The following NRCAM variants were observed in gnomAD, a reference collection of about 807,000 sequenced individuals.
NRCAM encodes the protein NgCAM-related cell adhesion molecule.
Under a neutral mutation model 156.5 loss-of-function variants are expected in NRCAM, and 83 were observed. The observed-to-expected ratio is 0.53, with a 90% CI of 0.44 to 0.64. The LOEUF (loss-of-function observed/expected upper bound fraction) is 0.64. Ranked by LOEUF, NRCAM falls within the 30% of genes least tolerant of loss-of-function variation. NRCAM has a pLI of 0.00. For missense variants in NRCAM, 1,417 were observed against 1,597.3 expected (o/e 0.89, Z 1.92); for synonymous variants, 538 against 563.9 (o/e 0.95, Z 0.65).
chr7:108,439,625 C>G (rs1477137941), intron 1 of NRCAM, among the ~76,000 whole-genome samples: 1 of 151,976 alleles, frequency 6.6e-6, no homozygotes, highest in Non-Finnish European at 1.5e-5. Context: ...GAGGCTGAGG[C>G]AGGTGGATCA....
chr7:108,309,266 A>T (rs1420489156), intron 3 of NRCAM, among the ~76,000 whole-genome samples: 13 of 152,218 alleles, frequency 8.5e-5, no homozygotes, highest in Admixed American at 6.5e-4. Context: ...GTTAATTTGT[A>T]TAAGAAAAGA....
chr7:108,160,608 G>A, intron 30 of NRCAM, 116 bp from the exon 31 acceptor site: 1 of 734,070 alleles, frequency 1.4e-6, no homozygotes, highest in Non-Finnish European at 2.1e-6. Flanking sequence ...TTTTACATGT[G>A]GCCCCAAATT....
chr7:108,447,134 A>C (rs888218001), intron 1 of NRCAM, among the ~76,000 whole-genome samples: 1 of 151,794 alleles, frequency 6.6e-6, no homozygotes, highest in Non-Finnish European at 1.5e-5. Flanking sequence ...TTTCTGAAAA[A>C]TTTTTCATGA....
chr7:108,342,049 G>A (rs13243381), intron 2 of NRCAM, among the ~76,000 whole-genome samples: 32,310 of 152,100 alleles, frequency 0.21, 3,917 homozygotes, highest in East Asian at 0.45. Context: ...CGAACCCAAC[G>A]TCTCAACTCA....
chr7:108,239,876 T>G, intron 4 of NRCAM, 83 bp downstream of exon 4: 1 of 813,988 alleles, frequency 1.2e-6, no homozygotes, highest in Non-Finnish European at 2.0e-6. Flanking sequence ...AGACACCTTC[T>G]CCATTCACGC....
At chr7:108,252,764 A>G (rs1351044319) in intron 3 of NRCAM, among the ~76,000 whole-genome samples, 1 of 152,266 alleles carries the variant, frequency 6.6e-6, no homozygotes, top group Non-Finnish European at 1.5e-5. Flanking sequence ...AAGATGCAGG[A>G]AAAACGGTCA....
intron 1 of NRCAM, among the ~76,000 whole-genome samples, chr7:108,410,304 T>C (rs1209411428): frequency 6.6e-6 from 1 of 152,360 alleles, no homozygotes; most frequent in Non-Finnish European, 1.5e-5. Flanking sequence ...TGTCTTGTTA[T>C]AGTGGTTGCA....
At chr7:108,418,770 A>T (rs1163963785) in intron 1 of NRCAM, among the ~76,000 whole-genome samples, 9 of 152,228 alleles carry the variant, frequency 5.9e-5, no homozygotes, top group Admixed American at 5.2e-4. Flanking sequence ...ACATTTTAAT[A>T]CAACTGTGTG....
chr7:108,279,085 G>C (rs67940074), intron 3 of NRCAM, among the ~76,000 whole-genome samples: 8,614 of 152,216 alleles, frequency 0.057, 317 homozygotes, highest in South Asian at 0.12. Flanking sequence ...ATTATACCAG[G>C]TGACGAGAAA....
intron 2 of NRCAM, among the ~76,000 whole-genome samples, chr7:108,337,131 C>A (rs1417517258): frequency 6.6e-6 from 1 of 151,712 alleles, no homozygotes; most frequent in Non-Finnish European, 1.5e-5. Flanking sequence ...GGGCTGGGGA[C>A]CCACACCTGT....
intron 32 of NRCAM, chr7:108,156,334 A>G: frequency 1.6e-5 from 16 of 984,756 alleles, no homozygotes; most frequent in Non-Finnish European, 1.9e-5. Context: ...TTTATGACCT[A>G]GGTTTATTCT....
intron 2 of NRCAM, 110 bp from the exon 3 acceptor site, chr7:108,312,841 A>G (rs1431409875): frequency 2.6e-5 from 4 of 152,138 alleles, no homozygotes; most frequent in Non-Finnish European, 5.9e-5. Flanking sequence ...AACACAATTA[A>G]AGAGAGAGCC....
At chr7:108,357,820 C>A (rs542507147) in intron 2 of NRCAM, among the ~76,000 whole-genome samples, 1 of 152,296 alleles carries the variant, frequency 6.6e-6, no homozygotes, top group Non-Finnish European at 1.5e-5. Flanking sequence ...AAAACAGTTT[C>A]TCTAGTTGGG....
intron 1 of NRCAM, among the ~76,000 whole-genome samples, chr7:108,400,809 G>C (rs1301987016): frequency 4.6e-5 from 7 of 152,224 alleles, no homozygotes; most frequent in Admixed American, 2.0e-4. Context: ...CTTCTAGGGA[G>C]GAGAAAGCCA....
chr7:108,404,690 T>A (rs1260384961), intron 1 of NRCAM, among the ~76,000 whole-genome samples: 1 of 152,148 alleles, frequency 6.6e-6, no homozygotes, highest in Non-Finnish European at 1.5e-5. Context: ...GACAACTTAA[T>A]GAGGTATGCA....
chr7:108,352,916 T>C (rs1678223915), intron 2 of NRCAM, among the ~76,000 whole-genome samples: 1 of 152,150 alleles, frequency 6.6e-6, no homozygotes, highest in African/African-American at 2.4e-5. Context: ...CATCAGTAAA[T>C]CTCATTGATT....
At chr7:108,250,475 T>C (rs1485757591) in intron 3 of NRCAM, among the ~76,000 whole-genome samples, 1 of 141,572 alleles carries the variant, frequency 7.1e-6, no homozygotes, top group Non-Finnish European at 1.6e-5. Context: ...CTGTCATTTG[T>C]AACAACAAAA....
intron 3 of NRCAM, among the ~76,000 whole-genome samples, chr7:108,291,762 A>G (rs183372096): frequency 2.9e-4 from 44 of 152,332 alleles, no homozygotes; most frequent in African/African-American, 9.6e-4. Context: ...TTATTACTCC[A>G]TAAGAGGAGT....
At chr7:108,418,674 T>C (rs1474351662) in intron 1 of NRCAM, among the ~76,000 whole-genome samples, 1 of 151,970 alleles carries the variant, frequency 6.6e-6, no homozygotes, top group Non-Finnish European at 1.5e-5. Flanking sequence ...CGTAAGCACT[T>C]AGAAAATACA....
Sources: gnomAD v4.1 joint callset for allele counts (sites outside exome capture counted in the v4.1 genomes callset) on GRCh38, gnomAD v4.1.1 for gene constraint, MANE v1.5 for transcripts, NCBI Gene and HGNC (gene_info 2026-07-23, HGNC 2026-07-21) for gene names.